Variants in PHACTR1 observed in about 807,000 individuals in gnomAD.
PHACTR1 encodes phosphatase and actin regulator 1.
PHACTR1 carries 16 observed loss-of-function variants against 69.2 expected under a neutral mutation model. The ratio of observed to expected loss-of-function variants is 0.23; its 90% CI spans 0.16 to 0.35. PHACTR1 has a LOEUF of 0.35. Ranked by LOEUF, PHACTR1 falls within the 10% of genes least tolerant of loss-of-function variation. The pLI, the probability that PHACTR1 is intolerant of heterozygous loss-of-function variation, is 1.00. For synonymous variants in PHACTR1, 312 were observed against 284.5 expected, an observed-to-expected ratio of 1.10 and a Z score of -0.97; for missense variants, 510 against 734.7, an observed-to-expected ratio of 0.69 and a Z score of 3.54.
At chr6:12,843,025 A>T (rs1001218737) in intron 4 of PHACTR1, among the ~76,000 whole-genome samples, 6 of 152,124 alleles carry the variant, frequency 3.9e-5, no homozygotes, top group Non-Finnish European at 7.4e-5. Flanking sequence ...TTTTCTTAGC[A>T]GTTTCTTTTT....
intron 4 of PHACTR1, chr6:12,957,419 C>T (rs1792029451): frequency 5.1e-6 from 5 of 985,284 alleles, no homozygotes; most frequent in Non-Finnish European, 6.0e-6. Flanking sequence ...TTTGGATCCC[C>T]GGGTTACTTT....
chr6:13,231,580 C>T (rs1211503474), intron 10 of PHACTR1, among the ~76,000 whole-genome samples: 1 of 152,178 alleles, frequency 6.6e-6, no homozygotes, highest in East Asian at 1.9e-4. Flanking sequence ...CAGACAAACA[C>T]ACTCTCTGAT....
intron 7 of PHACTR1, among the ~76,000 whole-genome samples, chr6:13,195,257 C>A (rs1202489024): frequency 6.6e-6 from 1 of 152,132 alleles, no homozygotes; most frequent in South Asian, 2.1e-4. Flanking sequence ...TTATTATAGT[C>A]CACCATCTTC....
Position 13,227,761 on chromosome 6 carries a change from T to C in PHACTR1, c.987-55T>C. ...GAGTTTTAAAATGGTTTTGATGCAT[T>C]TATATAGCACGTTAGCCAAAGTGAA... On this transcript the variant is annotated intron_variant, in intron 8 of 14. Transcript: ENST00000332995. 8.2e-6 allele frequency: 13 copies of C among 1,583,944 alleles called. No homozygotes were observed. In the South Asian group the frequency reaches 1.4e-4, roughly 17 times the overall value.
At chr6:12,830,111 A>AAGAC (rs1344643586) in intron 4 of PHACTR1, among the ~76,000 whole-genome samples, 15 of 43,034 alleles carry the variant, frequency 3.5e-4, no homozygotes, top group Non-Finnish European at 9.9e-4. Context: ...GAAAGAAAGA[A>AAGAC]AGAAAGAAAG....
At chr6:12,834,569 A>G (rs1381862480) in intron 4 of PHACTR1, among the ~76,000 whole-genome samples, 3 of 152,308 alleles carry the variant, frequency 2.0e-5, no homozygotes, top group Non-Finnish European at 2.9e-5. Flanking sequence ...TAAAATTTAT[A>G]TAGATGTAGC....
At chr6:12,999,959 G>A (rs1468020193) in intron 4 of PHACTR1, among the ~76,000 whole-genome samples, 1 of 152,062 alleles carries the variant, frequency 6.6e-6, no homozygotes, top group East Asian at 1.9e-4. Flanking sequence ...TTTTTGTCTT[G>A]TATTTGAAAT....
intron 4 of PHACTR1, among the ~76,000 whole-genome samples, chr6:12,807,440 T>C (rs1774471602): frequency 1.3e-5 from 2 of 152,166 alleles, no homozygotes; most frequent in South Asian, 4.2e-4. Context: ...GGGATGCTAG[T>C]GTATATCGAG....
chr6:12,943,862 T>C lies in PHACTR1; in HGVS notation c.251-109503T>C, dbSNP rs112000565. Among the ~76,000 whole-genome samples the C allele has an allele frequency of 4.0e-3, 605 of 152,358 alleles. 3 individuals are homozygous for C. Among genetic ancestry groups the C allele is most frequent in the African/African-American group, 0.014 (562 of 41,582 alleles). ...TAAATTTATTTTATATTTGAGATAA[T>C]AGTTAAGAATTTATGATATTCTAAA... On this transcript the variant is annotated intron_variant, in intron 4 of 14. Coordinates refer to ENST00000332995, the MANE Select transcript of PHACTR1 (RefSeq NM_030948.6).
intron 4 of PHACTR1, among the ~76,000 whole-genome samples, chr6:12,975,626 G>A (rs1407921678): frequency 6.6e-6 from 1 of 152,134 alleles, no homozygotes; most frequent in African/African-American, 2.4e-5. Context: ...CGTCACCCAG[G>A]CTGGAGTGCA....
At chr6:12,987,070 T>C (rs560910784) in intron 4 of PHACTR1, among the ~76,000 whole-genome samples, 1 of 152,372 alleles carries the variant, frequency 6.6e-6, no homozygotes, top group South Asian at 2.1e-4. Flanking sequence ...TCTATATATG[T>C]ATACACATAT....
intron 4 of PHACTR1, among the ~76,000 whole-genome samples, chr6:13,024,382 T>A (rs1169467408): frequency 6.6e-6 from 1 of 152,216 alleles, no homozygotes; most frequent in African/African-American, 2.4e-5. Flanking sequence ...TACTTATGTT[T>A]GGAAACTGTC....
intron 3 of PHACTR1, among the ~76,000 whole-genome samples, chr6:12,748,836 G>A (rs1029389434): frequency 1.3e-5 from 2 of 152,196 alleles, no homozygotes; most frequent in African/African-American, 4.8e-5. Flanking sequence ...ACTCAATTCT[G>A]CATGCATATA....
chr6:12,787,796 T>C (rs1771723036), intron 4 of PHACTR1, among the ~76,000 whole-genome samples: 1 of 152,158 alleles, frequency 6.6e-6, no homozygotes, highest in Non-Finnish European at 1.5e-5. Flanking sequence ...GGTAGCAACT[T>C]CTGCCCCAAC....
intron 5 of PHACTR1, among the ~76,000 whole-genome samples, chr6:13,152,403 A>AG (rs1824451387): frequency 1.3e-5 from 2 of 152,224 alleles, no homozygotes; most frequent in Non-Finnish European, 2.9e-5. Context: ...TCATATGGAA[A>AG]GGGAGACTGG....
chr6:12,727,585 CAATT>C (rs1762956004), intron 3 of PHACTR1, among the ~76,000 whole-genome samples: 1 of 152,144 alleles, frequency 6.6e-6, no homozygotes, highest in South Asian at 2.1e-4. Context: ...TAATTTCAAT[CAATT>C]AATCATTCCT....
chr6:12,810,245 A>G (rs1774870341), intron 4 of PHACTR1, among the ~76,000 whole-genome samples: 1 of 152,226 alleles, frequency 6.6e-6, no homozygotes, highest in African/African-American at 2.4e-5. Context: ...CTCACTGATA[A>G]TAAGAGACAA....
chr6:12,837,240 T>A (rs1778258080), intron 4 of PHACTR1, among the ~76,000 whole-genome samples: 1 of 152,178 alleles, frequency 6.6e-6, no homozygotes, highest in South Asian at 2.1e-4. Context: ...TTGGACTCGT[T>A]TAGCTTAAAG....
At chr6:13,180,399 A>T (rs1231142369) in intron 6 of PHACTR1, among the ~76,000 whole-genome samples, 1 of 152,210 alleles carries the variant, frequency 6.6e-6, no homozygotes, top group Non-Finnish European at 1.5e-5. Flanking sequence ...AGTATGTCCC[A>T]AGAGGAGCAA....
Sources: gnomAD v4.1 joint callset for allele counts (sites outside exome capture counted in the v4.1 genomes callset) on GRCh38, gnomAD v4.1.1 for gene constraint, MANE v1.5 for transcripts, NCBI Gene and HGNC (gene_info 2026-07-23, HGNC 2026-07-21) for gene names.